MAPK6: variants seen among roughly 807,000 people sequenced by gnomAD.
The protein encoded by MAPK6 is mitogen-activated protein kinase 6.
A neutral mutation model predicts 59.3 loss-of-function variants in MAPK6; 19 were observed. The observed-to-expected ratio is 0.32, with a 90% CI of 0.22 to 0.47. The LOEUF (loss-of-function observed/expected upper bound fraction) is 0.47, where lower values mean the gene tolerates loss of function less well. Ranked by LOEUF, MAPK6 falls within the 20% of genes least tolerant of loss-of-function variation. The pLI is 1.00. For synonymous variants in MAPK6, 316 were observed against 290.3 expected (o/e 1.09, Z -0.90); for missense variants, 724 against 847.9 (o/e 0.85, Z 1.81).
At chr15:51,999,782 T>TAC (rs1482331805) in intron 2 of MAPK6, among the ~76,000 whole-genome samples, 8 of 152,300 alleles carry the variant, frequency 5.3e-5, no homozygotes, top group African/African-American at 1.7e-4. Flanking sequence ...TAGCTGGGAC[T>TAC]ACAGGTGCAT....
At chr15:52,039,042 T>G (rs2141892429) in intron 1 of MAPK6, among the ~76,000 whole-genome samples, 1 of 152,342 alleles carries the variant, frequency 6.6e-6, no homozygotes, top group Admixed American at 6.5e-5. Flanking sequence ...AGATGGAGTC[T>G]CCCTCTGTCC....
At chr15:51,981,997 T>C (rs2057175005) in intron 1 of MAPK6, among the ~76,000 whole-genome samples, 3 of 152,182 alleles carry the variant, frequency 2.0e-5, no homozygotes, top group East Asian at 1.9e-4. Context: ...AAAATAGTAC[T>C]GAGGTGGGGA....
Position 52,054,475 on chromosome 15 carries a change from T to A in MAPK6, c.701-4158T>A, listed in dbSNP as rs2031892564. Among the ~76,000 whole-genome samples the A allele has an allele frequency of 1.3e-5, 2 of 152,298 alleles. 1 individual carries two copies. On this transcript the variant is annotated intron_variant, in intron 3 of 5. Transcript: ENST00000261845. ...AAAAGATTCTTTCCCCACTGAATTATCTTGACACTTTCATAAAGAATCAGT... is the reference window on the plus strand; with the variant it reads ...AAAAGATTCTTTCCCCACTGAATTAACTTGACACTTTCATAAAGAATCAGT...
At chr15:52,060,550 A>T (rs1268486860) in intron 4 of MAPK6, among the ~76,000 whole-genome samples, 1 of 152,114 alleles carries the variant, frequency 6.6e-6, no homozygotes, top group Non-Finnish European at 1.5e-5. Context: ...GAGCAGAGAG[A>T]GTAGATGGTG....
chr15:51,982,796 A>G (rs527282519), intron 1 of MAPK6, among the ~76,000 whole-genome samples: 5 of 152,318 alleles, frequency 3.3e-5, no homozygotes, highest in African/African-American at 1.2e-4. Context: ...ATATAAAGTA[A>G]CTGTTACCTT....
chr15:51,974,854 A>C (rs2141798642), intron 1 of MAPK6, among the ~76,000 whole-genome samples: 1 of 150,402 alleles, frequency 6.6e-6, no homozygotes, highest in East Asian at 2.0e-4. Flanking sequence ...AGTAGCTGGG[A>C]CTATAGGCAT....
At chr15:52,036,400 T>C (rs1404711283) in intron 1 of MAPK6, among the ~76,000 whole-genome samples, 3 of 152,170 alleles carry the variant, frequency 2.0e-5, no homozygotes, top group Non-Finnish European at 2.9e-5. Context: ...ATTTATTTCT[T>C]ACAGTTCTGG....
At chr15:51,994,202 T>C (rs1844139241) in intron 2 of MAPK6, among the ~76,000 whole-genome samples, 4 of 152,084 alleles carry the variant, frequency 2.6e-5, no homozygotes, top group Admixed American at 2.6e-4. Context: ...TCAGGTGATC[T>C]GCCCACCTCA....
intron 2 of MAPK6, among the ~76,000 whole-genome samples, chr15:51,995,205 C>A (rs998952928): frequency 2.0e-5 from 3 of 152,194 alleles, no homozygotes; most frequent in African/African-American, 7.2e-5. Context: ...GCCCAGCAGC[C>A]TCAGCTGACC....
chr15:52,050,207 T>G, intron 3 of MAPK6, 70 bp downstream of exon 3: 12 of 1,308,788 alleles, frequency 9.2e-6, no homozygotes, highest in Non-Finnish European at 1.3e-5. Flanking sequence ...TGAAGCAAGA[T>G]TCATATAAGA....
intron 2 of MAPK6, chr15:52,004,112 C>T (rs538565224): frequency 4.6e-5 from 7 of 152,310 alleles, no homozygotes; most frequent in South Asian, 2.1e-4. Context: ...CTTTACTAAG[C>T]GTCTCATACT....
At chr15:52,058,382 C>G (rs1829354040) in intron 3 of MAPK6, among the ~76,000 whole-genome samples, 1 of 151,858 alleles carries the variant, frequency 6.6e-6, no homozygotes, top group Admixed American at 6.6e-5. Context: ...TTTGTGATAA[C>G]CTTAATATGA....
intron 1 of MAPK6, among the ~76,000 whole-genome samples, chr15:52,045,209 T>G (rs931808319): frequency 5.3e-5 from 8 of 152,224 alleles, no homozygotes; most frequent in African/African-American, 1.9e-4. Flanking sequence ...AAAGTTTGTT[T>G]TTCTACACTC....
chr15:51,997,590 CTTTTTT>C (rs747963086), intron 2 of MAPK6, among the ~76,000 whole-genome samples: 1 of 135,060 alleles, frequency 7.4e-6, no homozygotes, highest in Admixed American at 7.6e-5. Flanking sequence ...TTCTTTCTTT[CTTTTTT>C]TTTTTTTTTT....
Position 52,058,672 on chromosome 15 carries a change from C to T in MAPK6, c.740C>T (p.Ser247Phe), listed in dbSNP as rs1210622437. ...ELEQMQLILE[S>F]IPVVHEEDRQ... ...GAACAGATGCAGCTGATTTTAGAAT[C>T]TATTCCTGTTGTACATGAGGAAGAT... Residue 247 changes from serine (S) to phenylalanine (F), a missense_variant, in exon 4 of 6, where the codon TCT becomes TTT. Physicochemically the swap from Ser to Phe is radical, Grantham distance 155. Transcript: ENST00000261845. 1.2e-6 allele frequency: 2 copies of T among 1,612,526 alleles called. No homozygotes were observed. The highest frequency in any genetic ancestry group is 1.7e-6 in the Non-Finnish European group (2 of 1,179,182).
rs748220009 is a variant in MAPK6, at chr15:52,065,901, G to GATCT, written c.*907_*910dup. The stretch of plus-strand genomic sequence containing the variant: ...AGGAATTTGTATTTTGGAGGTGCTT[G>GATCT]ATCTATCTACAAAGAAAAATTAATT... On this transcript the variant is annotated 3_prime_UTR_variant, in exon 6 of 6. Transcript: ENST00000261845. 1 of 152,436 alleles carries GATCT rather than the reference G, an allele frequency of 6.6e-6. No homozygotes were observed. Among genetic ancestry groups the GATCT allele is most frequent in the Admixed American group, 6.6e-5 (1 of 15,256 alleles). 9.4% of individuals were successfully genotyped at this position (152,436 alleles called of 1,614,324 possible).
chr15:51,990,114 C>T (rs1308441842), intron 2 of MAPK6, among the ~76,000 whole-genome samples: 1 of 152,172 alleles, frequency 6.6e-6, no homozygotes, highest in Non-Finnish European at 1.5e-5. Context: ...TCATTCATTG[C>T]ACATCTGTGG....
Position 52,046,276 on chromosome 15 carries a change from TAAA to T in MAPK6, c.-184_-182del. On this transcript the variant is annotated 5_prime_UTR_variant, in exon 2 of 6. Coordinates refer to ENST00000261845, the MANE Select transcript of MAPK6 (RefSeq NM_002748.4). ...AATATGAATAGAGCTTTTTGAGCTT[TAAA>T]TCTAAGGGGAACTCGACAGGCCTGT... The T allele has an allele frequency of 1.8e-6, 1 of 549,156 alleles. No homozygotes were observed. Among genetic ancestry groups the T allele is most frequent in the African/African-American group, 1.9e-5 (1 of 52,820 alleles). 34.0% of individuals were successfully genotyped at this position (549,156 alleles called of 1,614,324 possible).
intron 1 of MAPK6, among the ~76,000 whole-genome samples, chr15:51,974,681 A>AAAAAAG (rs1426770347): frequency 3.9e-5 from 5 of 126,916 alleles, no homozygotes; most frequent in Admixed American, 1.9e-4. Flanking sequence ...AAAAAAAAAA[A>AAAAAAG]GATGATCTTG....
Sources: allele counts gnomAD v4.1 joint callset (sites outside exome capture counted in the v4.1 genomes callset), GRCh38; gene constraint gnomAD v4.1.1; transcripts MANE v1.5; gene names NCBI Gene and HGNC (gene_info 2026-07-23, HGNC 2026-07-21).